Variants in DTNBP1 observed in about 807,000 individuals in gnomAD.
The protein encoded by DTNBP1 is dystrobrevin binding protein 1, also known as dysbindin.
In DTNBP1, 35 loss-of-function variants were observed where a neutral mutation model predicts 42.8. The observed-to-expected ratio is 0.82, with a 90% confidence interval of 0.63 to 1.09. The LOEUF (loss-of-function observed/expected upper bound fraction) is 1.09, where lower values mean the gene tolerates loss of function less well. Among genes scored for constraint, DTNBP1 ranks in the 50% least tolerant of loss-of-function variants. DTNBP1 has a pLI of 0.00. For synonymous variants in DTNBP1, 171 were observed against 162.2 expected, an observed-to-expected ratio of 1.05 and a Z score of -0.41; for missense variants, 457 against 424.2, an observed-to-expected ratio of 1.08 and a Z score of -0.68.
chr6:15,648,566 CACA>C (rs1465987410), intron 3 of DTNBP1, among the ~76,000 whole-genome samples: 2 of 151,886 alleles, frequency 1.3e-5, no homozygotes, highest in African/African-American at 2.4e-5. Flanking sequence ...TAAATCAACA[CACA>C]ACAATTAAGT....
chr6:15,662,438 G>A (rs1364958659), intron 1 of DTNBP1, among the ~76,000 whole-genome samples: 1 of 152,226 alleles, frequency 6.6e-6, no homozygotes, highest in Non-Finnish European at 1.5e-5. Context: ...GCCGAGGGGC[G>A]CAGGCCACTG....
intron 6 of DTNBP1, among the ~76,000 whole-genome samples, chr6:15,614,305 TG>T (rs1213245574): frequency 6.6e-6 from 1 of 151,702 alleles, no homozygotes; most frequent in African/African-American, 2.4e-5. Context: ...CTCCTGTTAT[TG>T]TCACATCCTA....
chr6:15,656,366 A>G (rs895090046), intron 1 of DTNBP1, among the ~76,000 whole-genome samples: 30 of 152,236 alleles, frequency 2.0e-4, no homozygotes, highest in African/African-American at 6.3e-4. Flanking sequence ...TCAAAGCACT[A>G]AACCTCAAAT....
intron 7 of DTNBP1, among the ~76,000 whole-genome samples, chr6:15,562,767 G>A (rs1184561358): frequency 6.6e-6 from 1 of 152,078 alleles, no homozygotes; most frequent in Non-Finnish European, 1.5e-5. Flanking sequence ...AGTATTAAAG[G>A]CAGGCAGACT....
At chr6:15,594,292 G>A (rs1284505275) in intron 6 of DTNBP1, among the ~76,000 whole-genome samples, 4 of 151,594 alleles carry the variant, frequency 2.6e-5, no homozygotes, top group South Asian at 2.1e-4. Context: ...GTGAAACCCC[G>A]TCTCTACTAA....
intron 9 of DTNBP1, chr6:15,524,214 T>C (rs1291511343): frequency 6.6e-6 from 10 of 1,523,248 alleles, no homozygotes; most frequent in Non-Finnish European, 8.8e-6. Context: ...ACGCCAGTCC[T>C]TAACCACAAG....
At chr6:15,536,210 T>G (rs1202290590) in intron 7 of DTNBP1, among the ~76,000 whole-genome samples, 1 of 152,168 alleles carries the variant, frequency 6.6e-6, no homozygotes, top group Non-Finnish European at 1.5e-5. Flanking sequence ...GGGGAGAAAT[T>G]CAAGCCAGCT....
intron 1 of DTNBP1, among the ~76,000 whole-genome samples, chr6:15,653,148 T>C (rs1216637502): frequency 1.3e-5 from 2 of 152,350 alleles, no homozygotes; most frequent in Non-Finnish European, 2.9e-5. Context: ...GAAATTTTAG[T>C]TGAGAAAAAG....
chr6:15,621,075 T>A (rs1759015778), intron 5 of DTNBP1, among the ~76,000 whole-genome samples: 1 of 152,210 alleles, frequency 6.6e-6, no homozygotes, highest in Non-Finnish European at 1.5e-5. Context: ...GATCTATGGA[T>A]CTATTAGATC....
chr6:15,556,784 C>A (rs1426109574), intron 7 of DTNBP1, among the ~76,000 whole-genome samples: 1 of 152,160 alleles, frequency 6.6e-6, no homozygotes, highest in Non-Finnish European at 1.5e-5. Flanking sequence ...CTCTCTCTCT[C>A]TTGCACCCTT....
intron 6 of DTNBP1, among the ~76,000 whole-genome samples, chr6:15,613,046 G>A (rs530953167): frequency 2.6e-5 from 4 of 151,998 alleles, no homozygotes; most frequent in South Asian, 2.1e-4. Flanking sequence ...GATGGCTCAC[G>A]CCTGTAATCC....
At chr6:15,545,474 C>A (rs545090290) in intron 7 of DTNBP1, among the ~76,000 whole-genome samples, 1 of 152,282 alleles carries the variant, frequency 6.6e-6, no homozygotes, top group African/African-American at 2.4e-5. Context: ...CTTTTCTTAA[C>A]CCTTGCTCCA....
intron 7 of DTNBP1, among the ~76,000 whole-genome samples, chr6:15,538,329 G>A (rs181031339): frequency 6.6e-6 from 1 of 152,288 alleles, no homozygotes; most frequent in African/African-American, 2.4e-5. Context: ...CTGGGGCTGA[G>A]AGCATCCCCG....
chr6:15,567,607 C>T (rs1168819123), intron 7 of DTNBP1, among the ~76,000 whole-genome samples: 2 of 152,188 alleles, frequency 1.3e-5, no homozygotes, highest in Admixed American at 1.3e-4. Context: ...CTGTAAGCCC[C>T]CTCGCTTCAC....
chr6:15,597,546 T>C (rs1011665871), intron 6 of DTNBP1, among the ~76,000 whole-genome samples: 1 of 152,230 alleles, frequency 6.6e-6, no homozygotes, highest in African/African-American at 2.4e-5. Flanking sequence ...TTCAAGTTCA[T>C]CTTTTCCAAG....
At chr6:15,660,183 T>C (rs189439082) in intron 1 of DTNBP1, among the ~76,000 whole-genome samples, 13 of 152,324 alleles carry the variant, frequency 8.5e-5, no homozygotes, top group Admixed American at 6.5e-4. Flanking sequence ...TTATGTAATA[T>C]GTTTCTTTTT....
chr6:15,573,530 A>C (rs1343375359), intron 7 of DTNBP1, among the ~76,000 whole-genome samples: 1 of 152,124 alleles, frequency 6.6e-6, no homozygotes, highest in Non-Finnish European at 1.5e-5. Flanking sequence ...CTTTGTTTAA[A>C]AGACAAGGGC....
At chr6:15,548,028 G>A (rs1234702193) in intron 7 of DTNBP1, among the ~76,000 whole-genome samples, 1 of 152,168 alleles carries the variant, frequency 6.6e-6, no homozygotes, top group Non-Finnish European at 1.5e-5. Context: ...AAATGCTGAA[G>A]AGATGCAAAA....
At chr6:15,585,836 C>T (rs1274964885) in intron 7 of DTNBP1, 2 of 1,495,352 alleles carry the variant, frequency 1.3e-6, no homozygotes, top group Non-Finnish European at 1.8e-6. Flanking sequence ...GGCAGCTGCC[C>T]TCACGTGCAT....
Sources: allele counts gnomAD v4.1 joint callset (sites outside exome capture counted in the v4.1 genomes callset), GRCh38; gene constraint gnomAD v4.1.1; transcripts MANE v1.5; gene names NCBI Gene and HGNC (gene_info 2026-07-23, HGNC 2026-07-21).